Variants in ACVR2A observed in about 807,000 individuals in gnomAD.
ACVR2A encodes activin receptor type-2A.
A neutral mutation model predicts 61.4 loss-of-function variants in ACVR2A; 7 were observed. That is an observed-to-expected ratio of 0.11 (90% CI 0.06 to 0.21). The LOEUF is 0.21. ACVR2A is among the 10% of genes least tolerant of loss of function. ACVR2A has a pLI of 1.00. For missense variants in ACVR2A, 322 were observed against 621.7 expected, an observed-to-expected ratio of 0.52 and a Z score of 5.13; for synonymous variants, 193 against 208.3, an observed-to-expected ratio of 0.93 and a Z score of 0.63.
chr2:147,890,463 C>T (rs1418190767), intron 1 of ACVR2A, among the ~76,000 whole-genome samples: 1 of 151,798 alleles, frequency 6.6e-6, no homozygotes, highest in Non-Finnish European at 1.5e-5. Context: ...ATAAACTTTT[C>T]AGCTCCCCAT....
At chr2:147,920,084 C>CTT in intron 7 of ACVR2A, 146 bp from the exon 8 acceptor site, 1 of 598,118 alleles carries the variant, frequency 1.7e-6, no homozygotes, top group East Asian at 2.9e-5. Context: ...GGGCTCTGAG[C>CTT]TTTGTTTGTC....
At chr2:147,875,359 C>A (rs1257115575) in intron 1 of ACVR2A, among the ~76,000 whole-genome samples, 1 of 152,014 alleles carries the variant, frequency 6.6e-6, no homozygotes, top group East Asian at 1.9e-4. Flanking sequence ...CCATTTTCTC[C>A]ATTTCCAGAG....
At chr2:147,873,319 T>G (rs1412394169) in intron 1 of ACVR2A, among the ~76,000 whole-genome samples, 1 of 152,010 alleles carries the variant, frequency 6.6e-6, no homozygotes, top group Non-Finnish European at 1.5e-5. Context: ...AAAATTAATT[T>G]TAGTAATGTA....
intron 1 of ACVR2A, among the ~76,000 whole-genome samples, chr2:147,885,726 A>G (rs1245309855): frequency 6.6e-6 from 1 of 152,182 alleles, no homozygotes; most frequent in South Asian, 2.1e-4. Flanking sequence ...AAAAGAAAGT[A>G]ACGAGATGAT....
chr2:147,915,361 T>C (rs761976509), intron 5 of ACVR2A, 27 bp downstream of exon 5: 8 of 1,609,556 alleles, frequency 5.0e-6, no homozygotes, highest in Non-Finnish European at 6.8e-6. Flanking sequence ...TTTGTCATCT[T>C]ACATACATGT....
At chr2:147,920,011 C>A (rs1206972747) in intron 7 of ACVR2A, among the ~76,000 whole-genome samples, 2 of 151,918 alleles carry the variant, frequency 1.3e-5, no homozygotes, top group Non-Finnish European at 2.9e-5. Context: ...GGTAGGATTC[C>A]TTCTTATTGT....
At chr2:147,907,377 A>G (rs1391878350) in intron 4 of ACVR2A, among the ~76,000 whole-genome samples, 1 of 152,146 alleles carries the variant, frequency 6.6e-6, no homozygotes, top group East Asian at 1.9e-4. Flanking sequence ...TGCTGGGTCA[A>G]ATGGTATTTC....
chr2:147,852,083 A>T (rs187444092), intron 1 of ACVR2A, among the ~76,000 whole-genome samples: 2 of 152,150 alleles, frequency 1.3e-5, no homozygotes, highest in Admixed American at 6.5e-5. Context: ...TCAAATTTAA[A>T]TTTTTTTAAA....
At chr2:147,891,223 T>C (rs1417495894) in intron 1 of ACVR2A, among the ~76,000 whole-genome samples, 2 of 152,220 alleles carry the variant, frequency 1.3e-5, no homozygotes, top group African/African-American at 4.8e-5. Flanking sequence ...TTGGCACTTT[T>C]GCTCTAGGCA....
chr2:147,851,198 G>A (rs543374511), intron 1 of ACVR2A, among the ~76,000 whole-genome samples: 1 of 152,202 alleles, frequency 6.6e-6, no homozygotes, highest in East Asian at 1.9e-4. Context: ...GTCACCTTTA[G>A]CATAGAATCT....
At chr2:147,852,021 TTTA>T (rs1685461039) in intron 1 of ACVR2A, among the ~76,000 whole-genome samples, 1 of 152,078 alleles carries the variant, frequency 6.6e-6, no homozygotes, top group African/African-American at 2.4e-5. Flanking sequence ...GTGGTGACAT[TTTA>T]TTAAGAAAAG....
chr2:147,880,605 A>G (rs1686276557), intron 1 of ACVR2A, among the ~76,000 whole-genome samples: 1 of 152,086 alleles, frequency 6.6e-6, no homozygotes, highest in Non-Finnish European at 1.5e-5. Context: ...TGAGTTTCAG[A>G]ATTATTGAAA....
At chr2:147,898,671 T>C (rs1460134272) in intron 2 of ACVR2A, among the ~76,000 whole-genome samples, 1 of 152,164 alleles carries the variant, frequency 6.6e-6, no homozygotes, top group Non-Finnish European at 1.5e-5. Context: ...TTTAATAGTT[T>C]TAGCTGTTTA....
intron 1 of ACVR2A, among the ~76,000 whole-genome samples, chr2:147,859,278 A>G (rs529602766): frequency 9.9e-5 from 15 of 151,994 alleles, no homozygotes; most frequent in Admixed American, 7.9e-4. Context: ...TCTCTCTTCT[A>G]CCTGCTGGGG....
At chr2:147,888,215 T>C (rs990437631) in intron 1 of ACVR2A, among the ~76,000 whole-genome samples, 9 of 152,178 alleles carry the variant, frequency 5.9e-5, no homozygotes, top group African/African-American at 2.2e-4. Context: ...GTCTTTATTA[T>C]TGCAGTTACA....
At chr2:147,863,199 A>G (rs1685769910) in intron 1 of ACVR2A, among the ~76,000 whole-genome samples, 1 of 152,186 alleles carries the variant, frequency 6.6e-6, no homozygotes, top group African/African-American at 2.4e-5. Context: ...TGTTCTGCCA[A>G]GGTTCTCTAT....
Position 147,899,905 on chromosome 2 carries a change from T to TA in ACVR2A, c.528+8dup, listed in dbSNP as rs1228805910. On this transcript the variant is annotated splice_region_variant and intron_variant, in intron 4 of 10. Coordinates refer to ENST00000241416, the MANE Select transcript of ACVR2A (RefSeq NM_001616.5). ...TGTACTTGTTCCAACTCAAGTAAGTTATTGTCCTGTACTTTGTAGTGTTTT... is the reference window on the plus strand; with the variant it reads ...TGTACTTGTTCCAACTCAAGTAAGTTAATTGTCCTGTACTTTGTAGTGTTTT... The TA allele has an allele frequency of 6.2e-7, 1 of 1,612,746 alleles. No individual in the cohort carries two copies. The highest frequency in any genetic ancestry group is 8.5e-7 in the Non-Finnish European group (1 of 1,179,158).
chr2:147,885,228 T>C (rs1686401122), intron 1 of ACVR2A, among the ~76,000 whole-genome samples: 1 of 151,984 alleles, frequency 6.6e-6, no homozygotes, highest in Non-Finnish European at 1.5e-5. Context: ...AAAAAATTTC[T>C]AAAAAAAAGT....
chr2:147,862,975 T>G (rs1685764461), intron 1 of ACVR2A, among the ~76,000 whole-genome samples: 1 of 152,184 alleles, frequency 6.6e-6, no homozygotes, highest in African/African-American at 2.4e-5. Flanking sequence ...CTAAGTGCTA[T>G]TAAGTTTTCA....
Sources: gnomAD v4.1 joint callset for allele counts (sites outside exome capture counted in the v4.1 genomes callset) on GRCh38, gnomAD v4.1.1 for gene constraint, MANE v1.5 for transcripts, NCBI Gene and HGNC (gene_info 2026-07-23, HGNC 2026-07-21) for gene names.